The following SLC39A9 variants were observed in gnomAD, a reference collection of about 807,000 sequenced individuals.
SLC39A9 encodes the protein solute carrier family 39 member 9, also known as zinc transporter ZIP9.
SLC39A9 carries 14 observed loss-of-function variants against 28.4 expected under a neutral mutation model. That is an observed-to-expected ratio of 0.49 (90% CI 0.33 to 0.77). SLC39A9 has a LOEUF of 0.77. Among genes scored for constraint, SLC39A9 ranks in the 30% least tolerant of loss-of-function variants. The pLI, the probability that SLC39A9 is intolerant of heterozygous loss-of-function variation, is 0.02. For missense variants in SLC39A9, 283 were observed against 381.1 expected, an observed-to-expected ratio of 0.74 and a Z score of 2.14; for synonymous variants, 119 against 149.6, an observed-to-expected ratio of 0.80 and a Z score of 1.49.
intron 6 of SLC39A9, among the ~76,000 whole-genome samples, chr14:69,457,264 G>T (rs1277778035): frequency 6.6e-6 from 1 of 151,674 alleles, no homozygotes; most frequent in Non-Finnish European, 1.5e-5. Context: ...GTACAATGGC[G>T]CAATCTTGGC....
intron 3 of SLC39A9, among the ~76,000 whole-genome samples, chr14:69,447,618 T>C (rs1369247359): frequency 6.6e-6 from 1 of 152,132 alleles, no homozygotes; most frequent in Non-Finnish European, 1.5e-5. Context: ...AAGATAATTA[T>C]GAACTAAACT....
chr14:69,455,905 T>C (rs1885834702), intron 6 of SLC39A9, 39 bp downstream of exon 6: 1 of 1,596,070 alleles, frequency 6.3e-7, no homozygotes. Flanking sequence ...ACCAGTGTCT[T>C]GTGATCTCTT....
intron 2 of SLC39A9, among the ~76,000 whole-genome samples, chr14:69,437,397 T>C (rs529221864): frequency 1.1e-4 from 16 of 152,206 alleles, no homozygotes; most frequent in Non-Finnish European, 2.1e-4. Flanking sequence ...TTTGCTGCCT[T>C]GCCTTCACTT....
intron 3 of SLC39A9, among the ~76,000 whole-genome samples, chr14:69,445,230 C>A (rs919762535): frequency 1.3e-5 from 2 of 151,982 alleles, no homozygotes; most frequent in Non-Finnish European, 2.9e-5. Flanking sequence ...GGCTGCCTCT[C>A]CTGCCCCCCT....
intron 1 of SLC39A9, among the ~76,000 whole-genome samples, chr14:69,421,414 G>A (rs1396809760): frequency 1.3e-5 from 2 of 152,166 alleles, no homozygotes; most frequent in Non-Finnish European, 2.9e-5. Flanking sequence ...GTTGTCAGTC[G>A]GCACCTACCG....
chr14:69,452,700 G>T (rs1885669336), intron 3 of SLC39A9, among the ~76,000 whole-genome samples: 1 of 152,160 alleles, frequency 6.6e-6, no homozygotes, highest in South Asian at 2.1e-4. Flanking sequence ...AAAAATGAGA[G>T]TAGGGAACCT....
intron 2 of SLC39A9, among the ~76,000 whole-genome samples, chr14:69,425,504 A>G (rs562471703): frequency 1.6e-4 from 24 of 152,296 alleles, no homozygotes; most frequent in Admixed American, 8.5e-4. Context: ...GGGAATATCT[A>G]TTTTTAACAA....
intron 3 of SLC39A9, among the ~76,000 whole-genome samples, chr14:69,452,125 G>A (rs967066795): frequency 6.6e-6 from 1 of 152,204 alleles, no homozygotes; most frequent in Non-Finnish European, 1.5e-5. Context: ...AAGAATTACA[G>A]GTGAGGAGAC....
chr14:69,417,220 A>C (rs999451720), intron 1 of SLC39A9, among the ~76,000 whole-genome samples: 6 of 152,332 alleles, frequency 3.9e-5, no homozygotes, highest in African/African-American at 1.4e-4. Context: ...ACCATTTATT[A>C]AATAGTGAAT....
chr14:69,430,926 G>T (rs1884458255), intron 2 of SLC39A9, among the ~76,000 whole-genome samples: 1 of 152,004 alleles, frequency 6.6e-6, no homozygotes, highest in Non-Finnish European at 1.5e-5. Context: ...AGCCCACTTT[G>T]TTCTTATTTT....
At chr14:69,412,617 G>C (rs1883337426) in intron 1 of SLC39A9, among the ~76,000 whole-genome samples, 1 of 152,056 alleles carries the variant, frequency 6.6e-6, no homozygotes, top group African/African-American at 2.4e-5. Flanking sequence ...CAAGTCCCCA[G>C]TGCTTTGCTT....
At chr14:69,417,385 A>G (rs550807932) in intron 1 of SLC39A9, among the ~76,000 whole-genome samples, 60 of 152,316 alleles carry the variant, frequency 3.9e-4, no homozygotes, top group Middle Eastern at 6.8e-3. Context: ...GCCTTGTAAT[A>G]TAGTTGGAAG....
intron 1 of SLC39A9, among the ~76,000 whole-genome samples, chr14:69,416,196 C>G (rs1405274507): frequency 6.6e-6 from 1 of 152,094 alleles, no homozygotes; most frequent in Non-Finnish European, 1.5e-5. Context: ...TGATCAGTTC[C>G]CACCTATGAG....
intron 1 of SLC39A9, among the ~76,000 whole-genome samples, chr14:69,422,978 A>G (rs752908110): frequency 2.6e-5 from 4 of 152,228 alleles, no homozygotes; most frequent in South Asian, 2.1e-4. Flanking sequence ...AAAGAAGACA[A>G]TTAGGATTAA....
At chr14:69,457,607 A>G (rs1261630713) in intron 6 of SLC39A9, among the ~76,000 whole-genome samples, 1 of 152,266 alleles carries the variant, frequency 6.6e-6, no homozygotes. Flanking sequence ...TGCTTGTTAA[A>G]TATTAGTAGA....
rs186260848 is a variant in SLC39A9 at position 69,408,498 on chromosome 14, T to C, written c.96+9033T>C. 6.4e-3 allele frequency among the ~76,000 whole-genome samples: 974 copies of C among 152,308 alleles called. 8 individuals are homozygous for C. The highest frequency in any genetic ancestry group is 0.011 in the Admixed American group (165 of 15,292). On this transcript the variant is annotated intron_variant, in intron 1 of 6. Coordinates refer to ENST00000336643, the MANE Select transcript of SLC39A9 (RefSeq NM_018375.5). The stretch of plus-strand genomic sequence containing the variant: ...GTGTCATGATATATGGCAGCTGACC[T>C]TCAGTGTCAGTGCCTGGGAGTCATT...
intron 1 of SLC39A9, among the ~76,000 whole-genome samples, chr14:69,407,949 G>A (rs185746397): frequency 2.0e-4 from 31 of 151,762 alleles, no homozygotes; most frequent in Admixed American, 4.6e-4. Context: ...TATTCTTTAC[G>A]GTTCTCTCTT....
At chr14:69,414,863 G>A (rs1177226771) in intron 1 of SLC39A9, among the ~76,000 whole-genome samples, 1 of 152,126 alleles carries the variant, frequency 6.6e-6, no homozygotes, top group African/African-American at 2.4e-5. Context: ...GATTAGTTTG[G>A]CCTGTTTTTA....
At chr14:69,423,447 A>G (rs1168623542) in intron 1 of SLC39A9, among the ~76,000 whole-genome samples, 1 of 152,230 alleles carries the variant, frequency 6.6e-6, no homozygotes, top group Non-Finnish European at 1.5e-5. Flanking sequence ...TTTCTGGATC[A>G]AAGAGTTCAC....
Sources: gnomAD v4.1 joint callset for allele counts (sites outside exome capture counted in the v4.1 genomes callset) on GRCh38, gnomAD v4.1.1 for gene constraint, MANE v1.5 for transcripts, NCBI Gene and HGNC (gene_info 2026-07-23, HGNC 2026-07-21) for gene names.